Variants in F8 observed in about 807,000 individuals in gnomAD.
F8 encodes the protein antihemophilic factor.
F8 carries 12 observed loss-of-function variants against 140.6 expected under a neutral mutation model. The observed-to-expected ratio is 0.09, with a 90% CI of 0.05 to 0.14. The LOEUF (loss-of-function observed/expected upper bound fraction) is 0.14, where lower values mean the gene tolerates loss of function less well. F8 is among the 10% of genes least tolerant of loss of function. The probability of loss-of-function intolerance (pLI) is 1.00; values close to 1 mark genes in which losing one functional copy is unlikely to be tolerated. For synonymous variants in F8, 585 were observed against 614.6 expected (o/e 0.95, Z 0.71); for missense variants, 1,354 against 1,720.7 (o/e 0.79, Z 3.77).
intron 25 of F8, among the ~76,000 whole-genome samples, chrX:154,850,310 G>A (rs2072604907): frequency 9.1e-6 from 1 of 109,607 alleles, no homozygotes; most frequent in East Asian, 2.8e-4. Flanking sequence ...TGTATTTTTA[G>A]TAGAGGGGGG....
chrX:154,893,935 C>T (rs1235521153), intron 22 of F8, among the ~76,000 whole-genome samples: 1 of 111,739 alleles, frequency 8.9e-6, no homozygotes, highest in Non-Finnish European at 1.9e-5. Context: ...AAACATTTGT[C>T]ATCTATTGTC....
chrX:154,986,631 C>G (rs2073559940), intron 5 of F8, among the ~76,000 whole-genome samples: 1 of 111,231 alleles, frequency 9.0e-6, no homozygotes, highest in South Asian at 3.8e-4. Context: ...AGATCAGATA[C>G]TCACTTCAGT....
chrX:154,891,857 G>T (rs2072946116), intron 22 of F8, among the ~76,000 whole-genome samples: 1 of 111,712 alleles, frequency 9.0e-6, no homozygotes, highest in Admixed American at 9.5e-5. Flanking sequence ...TCTGTGACTC[G>T]CCTGGCTTTC....
intron 22 of F8, among the ~76,000 whole-genome samples, chrX:154,880,177 C>T (rs782171478): frequency 8.9e-6 from 1 of 112,007 alleles, no homozygotes; most frequent in Non-Finnish European, 1.9e-5. Context: ...TGTACAGGAG[C>T]GTTCATGGCA....
At chrX:154,983,123 TA>T (rs1557283894) in intron 6 of F8, among the ~76,000 whole-genome samples, 2 of 112,305 alleles carry the variant, frequency 1.8e-5, no homozygotes, top group African/African-American at 6.5e-5. Context: ...TGAAAGATTT[TA>T]TCTATTCTTA....
intron 21 of F8, among the ~76,000 whole-genome samples, chrX:154,899,201 T>C (rs2072997690): frequency 8.9e-6 from 1 of 112,198 alleles, no homozygotes; most frequent in Non-Finnish European, 1.9e-5. Context: ...TTAATAGACA[T>C]GCTATTTGCA....
At chrX:154,940,453 T>C (rs1048653592) in intron 13 of F8, among the ~76,000 whole-genome samples, 1 of 111,302 alleles carries the variant, frequency 9.0e-6, no homozygotes, top group Admixed American at 9.5e-5. Flanking sequence ...AGTGTGAAGA[T>C]AAGTTTAGAG....
intron 9 of F8, among the ~76,000 whole-genome samples, chrX:154,964,955 A>G: frequency 8.9e-6 from 1 of 112,186 alleles, no homozygotes; most frequent in Admixed American, 9.5e-5. Context: ...ATGTGTCAAT[A>G]TCCATAATCT....
chrX:154,939,349 C>A (rs1055312878), intron 13 of F8, among the ~76,000 whole-genome samples: 4 of 112,601 alleles, frequency 3.6e-5, no homozygotes, highest in African/African-American at 1.3e-4. Context: ...GCTTAACAAA[C>A]GGCACACCAG....
intron 9 of F8, among the ~76,000 whole-genome samples, chrX:154,963,236 T>A (rs181197873): frequency 6.3e-4 from 71 of 111,926 alleles, no homozygotes; most frequent in South Asian, 1.5e-3. Context: ...TGGCTCTCTG[T>A]CTGTTATTGG....
rs1340041463 is a variant in F8 at position 154,929,568 on chromosome X, G to C, written c.4222C>G (p.Pro1408Ala). 8.3e-7 allele frequency: 1 copy of C among 1,210,844 alleles called. No homozygotes were observed. Among genetic ancestry groups the C allele is most frequent in the African/African-American group, 1.7e-5 (1 of 57,709 alleles). ...SIPQANRSPL[P>A]IAKVSSFPSI... Reference sequence around the variant, plus strand: ...GGAAATGATGATACCTTTGCAATGGGTAATGGAGATCTATTTGCTTGAGGG... The same window carrying C: ...GGAAATGATGATACCTTTGCAATGGCTAATGGAGATCTATTTGCTTGAGGG... The change falls in exon 14 of 26, where the codon CCC (proline) becomes GCC (alanine). Residue 1408 changes from proline to alanine, a missense_variant. Coordinates refer to ENST00000360256, the MANE Select transcript of F8 (RefSeq NM_000132.4).
chrX:154,863,432 A>T (rs1186382028), intron 22 of F8, among the ~76,000 whole-genome samples: 2 of 111,894 alleles, frequency 1.8e-5, no homozygotes, highest in Non-Finnish European at 3.8e-5. Context: ...AAAGGAAATT[A>T]TTAGGTCTGG....
At chrX:154,915,498 T>A (rs188328692) in intron 14 of F8, among the ~76,000 whole-genome samples, 90 of 112,197 alleles carry the variant, frequency 8.0e-4, no homozygotes, top group African/African-American at 2.9e-3. Flanking sequence ...ATTCCTTTCA[T>A]CAGGGTTTTA....
At chrX:154,923,457 G>C (rs1195355185) in intron 14 of F8, among the ~76,000 whole-genome samples, 2 of 111,983 alleles carry the variant, frequency 1.8e-5, no homozygotes, top group Non-Finnish European at 3.8e-5. Context: ...GGACCTGGTG[G>C]GAGGTAATTG....
At chrX:154,932,847 T>C (rs1449101387) in intron 13 of F8, among the ~76,000 whole-genome samples, 2 of 110,996 alleles carry the variant, frequency 1.8e-5, no homozygotes, top group Non-Finnish European at 3.8e-5. Flanking sequence ...AGCAGGGGGA[T>C]GCATGCCTCT....
chrX:155,009,810 A>T (rs2073697492), intron 1 of F8, among the ~76,000 whole-genome samples: 1 of 111,930 alleles, frequency 8.9e-6, no homozygotes, highest in Non-Finnish European at 1.9e-5. Flanking sequence ...AAAATATGTT[A>T]TAGAGCAATA....
At chrX:154,920,540 C>A (rs1231441204) in intron 14 of F8, among the ~76,000 whole-genome samples, 1 of 110,282 alleles carries the variant, frequency 9.1e-6, no homozygotes, top group Non-Finnish European at 1.9e-5. Context: ...TAGCCTTGAC[C>A]CCCCCAGGCT....
intron 20 of F8, 108 bp downstream of exon 20, chrX:154,901,263 G>A: frequency 1.7e-6 from 1 of 594,250 alleles, no homozygotes; most frequent in Non-Finnish European, 2.9e-6. Context: ...TTATGGAATA[G>A]AACTAATAGA....
intron 25 of F8, among the ~76,000 whole-genome samples, chrX:154,851,430 T>C (rs1356644818): frequency 8.9e-6 from 1 of 112,010 alleles, no homozygotes; most frequent in Non-Finnish European, 1.9e-5. Flanking sequence ...GCTGGGTCTA[T>C]GTTAATTCTA....
Sources: gnomAD v4.1 joint callset for allele counts (sites outside exome capture counted in the v4.1 genomes callset) on GRCh38, gnomAD v4.1.1 for gene constraint, MANE v1.5 for transcripts, NCBI Gene and HGNC (gene_info 2026-07-23, HGNC 2026-07-21) for gene names.